Variants in CHIA observed in about 807,000 individuals in gnomAD.
CHIA encodes the protein acidic mammalian chitinase.
In CHIA, 47 loss-of-function variants were observed where a neutral mutation model predicts 53.5. The observed-to-expected ratio is 0.88, with a 90% confidence interval of 0.70 to 1.12. The LOEUF is 1.12. CHIA is among the 50% of genes most tolerant of loss of function. CHIA has a pLI of 0.00. For synonymous variants in CHIA, 268 were observed against 222.2 expected, an observed-to-expected ratio of 1.21 and a Z score of -1.83; for missense variants, 652 against 592.2, an observed-to-expected ratio of 1.10 and a Z score of -1.05.
chr1:111,315,392 G>A lies in CHIA; in HGVS notation c.437G>A (p.Gly146Glu), dbSNP rs142253415. The change falls in exon 6 of 12, where the codon GGG (glycine) becomes GAG (glutamate). Residue 146 changes from glycine (G) to glutamate (E), a missense_variant. Coordinates refer to ENST00000369740, the MANE Select transcript of CHIA (RefSeq NM_201653.4). ...DFDWEYPGSR[G>E]SPPQDKHLFT... ...GACTGGGAGTACCCTGGCTCTCGTG[G>A]GAGCCCTCCTCAGGACAAGCATCTC... The A allele has an allele frequency of 6.2e-7, 1 of 1,614,000 alleles. No homozygotes were observed. The highest frequency in any genetic ancestry group is 1.3e-5 in the African/African-American group (1 of 74,898).
At chr1:111,301,225 A>C (rs534439431) in intron 1 of CHIA, among the ~76,000 whole-genome samples, 3 of 152,220 alleles carry the variant, frequency 2.0e-5, no homozygotes, top group Non-Finnish European at 2.9e-5. Flanking sequence ...CGATCCCATT[A>C]CTGGGTATAT....
chr1:111,315,337 C>G lies in CHIA; in HGVS notation c.382C>G (p.Arg128Gly). 1 of 1,613,690 alleles carries G rather than the reference C, an allele frequency of 6.2e-7. No homozygotes were observed. Among genetic ancestry groups the G allele is most frequent in the South Asian group, 1.1e-5 (1 of 91,050 alleles). The change falls in exon 6 of 12, where the codon CGC becomes GGC. Residue 128 changes from arginine (R) to glycine (G), a missense_variant. Arg to Gly is a moderately radical substitution (Grantham distance 125). Transcript: ENST00000369740. ...CATCACCTCAGTCATCAAATTCCTG[C>G]GCCAGTATGAGTTTGACGGGCTGGA... Reference protein sequence around the residue: ...TFITSVIKFLRQYEFDGLDFD... With the variant: ...TFITSVIKFLGQYEFDGLDFD...
At chr1:111,309,361 G>T (rs529559211) in intron 1 of CHIA, among the ~76,000 whole-genome samples, 1 of 152,276 alleles carries the variant, frequency 6.6e-6, no homozygotes, top group Admixed American at 6.5e-5. Context: ...ATCCCATAAT[G>T]ATCACCCATA....
intron 5 of CHIA, chr1:111,315,065 G>A: frequency 1.9e-6 from 1 of 527,148 alleles, no homozygotes; most frequent in South Asian, 2.7e-5. Flanking sequence ...GAGTTGGGGG[G>A]ATAACAGAAT....
In CHIA at chr1:111,316,738, G is replaced by T. The variant is rs181476119; in HGVS notation, c.481-943G>T. The T allele has an allele frequency of 3.7e-4, 56 of 152,260 alleles. 1 individual carries two copies. Among genetic ancestry groups the T allele is most frequent in the Admixed American group, 3.5e-3 (53 of 15,292 alleles). 9.4% of individuals were successfully genotyped at this position (152,260 alleles called of 1,614,324 possible). On this transcript the variant is annotated intron_variant, in intron 6 of 11. Coordinates refer to ENST00000369740, the MANE Select transcript of CHIA (RefSeq NM_201653.4). ...AAAAGCTTGATATACTTGGTTTTTAGACTTACTGTCTCCCAAGACAGATTG... is the reference window on the plus strand; with the variant it reads ...AAAAGCTTGATATACTTGGTTTTTATACTTACTGTCTCCCAAGACAGATTG...
At chr1:111,294,456 G>T (rs931628194) in intron 1 of CHIA, among the ~76,000 whole-genome samples, 1 of 151,824 alleles carries the variant, frequency 6.6e-6, no homozygotes, top group African/African-American at 2.4e-5. Context: ...AAAATTTTTG[G>T]TGTGGAATCT....
intron 1 of CHIA, among the ~76,000 whole-genome samples, chr1:111,303,996 G>C (rs1647976556): frequency 6.6e-6 from 1 of 152,122 alleles, no homozygotes; most frequent in African/African-American, 2.4e-5. Context: ...TTGAAGGATA[G>C]TTTTGCCAGA....
intron 1 of CHIA, among the ~76,000 whole-genome samples, chr1:111,309,624 A>G (rs1406998269): frequency 6.6e-6 from 1 of 152,244 alleles, no homozygotes; most frequent in Non-Finnish European, 1.5e-5. Context: ...GTTTGAGGGC[A>G]AAGAATAGTC....
At chr1:111,313,341 A>G (rs368382570) in intron 4 of CHIA, among the ~76,000 whole-genome samples, 5 of 152,076 alleles carry the variant, frequency 3.3e-5, no homozygotes, top group African/African-American at 9.7e-5. Context: ...GATAACAGCC[A>G]TTCTAAGCGG....
intron 1 of CHIA, among the ~76,000 whole-genome samples, chr1:111,306,438 A>G (rs1002299234): frequency 2.0e-5 from 3 of 152,210 alleles, no homozygotes; most frequent in African/African-American, 7.2e-5. Flanking sequence ...TCTATGCACT[A>G]CACACAAAAG....
intron 1 of CHIA, among the ~76,000 whole-genome samples, chr1:111,306,059 C>A (rs1648158969): frequency 6.6e-6 from 1 of 152,132 alleles, no homozygotes. Context: ...AGTTATGAAA[C>A]TTTATTAACA....
chr1:111,308,377 G>C (rs996919262), intron 1 of CHIA, among the ~76,000 whole-genome samples: 4 of 152,092 alleles, frequency 2.6e-5, no homozygotes, highest in South Asian at 2.1e-4. Context: ...GACTACCTTG[G>C]GAAAATGCCT....
At chr1:111,301,797 C>T (rs1647766019) in intron 1 of CHIA, among the ~76,000 whole-genome samples, 1 of 151,280 alleles carries the variant, frequency 6.6e-6, no homozygotes, top group African/African-American at 2.4e-5. Flanking sequence ...AGCAAACTAT[C>T]ACAAGGACAG....
In CHIA at chr1:111,310,518, C is replaced by T. The variant is rs183326519; in HGVS notation, c.25+26C>T. Reference sequence around the variant, plus strand: ...GTGGGTTTGTAATCAGAGATTGACCCTTCATCTTATCTAGTTTCTTTTTCT... The same window carrying T: ...GTGGGTTTGTAATCAGAGATTGACCTTTCATCTTATCTAGTTTCTTTTTCT... On this transcript the variant is annotated intron_variant, in intron 2 of 11. Coordinates refer to ENST00000369740, the MANE Select transcript of CHIA (RefSeq NM_201653.4). 2.8e-3 allele frequency: 4,558 copies of T among 1,614,012 alleles called. 11 individuals are homozygous for T. Among genetic ancestry groups the T allele is most frequent in the Non-Finnish European group, 3.5e-3 (4,078 of 1,179,966 alleles).
At chr1:111,296,407 C>G (rs1176861239) in intron 1 of CHIA, among the ~76,000 whole-genome samples, 1 of 152,172 alleles carries the variant, frequency 6.6e-6, no homozygotes, top group Non-Finnish European at 1.5e-5. Flanking sequence ...TCCGCAGCCT[C>G]CACTGGTAAT....
chr1:111,315,059 T>TG lies in CHIA; in HGVS notation c.315-205dup. The TG allele has an allele frequency of 7.8e-6, 4 of 510,124 alleles. No homozygotes were observed. In the East Asian group the frequency reaches 9.8e-5, roughly 12 times the overall value. 31.6% of individuals were successfully genotyped at this position (510,124 alleles called of 1,614,324 possible). A position where few individuals can be genotyped will look rare whatever the true frequency, so the allele number is the denominator to read the frequency against. ...GGCAACTTGGGAGAAAGAGCAGAGT[T>TG]GGGGGGATAACAGAATAAAGGGAAT... On this transcript the variant is annotated intron_variant, in intron 5 of 11. Coordinates refer to ENST00000369740, the MANE Select transcript of CHIA (RefSeq NM_201653.4).
At chr1:111,297,245 A>G (rs1298656653) in intron 1 of CHIA, among the ~76,000 whole-genome samples, 1 of 152,170 alleles carries the variant, frequency 6.6e-6, no homozygotes, top group Non-Finnish European at 1.5e-5. Context: ...ATCCTCCTAG[A>G]GAAGAGCAAT....
At chr1:111,311,260 T>C (rs917975204) in intron 2 of CHIA, among the ~76,000 whole-genome samples, 3 of 152,174 alleles carry the variant, frequency 2.0e-5, no homozygotes, top group African/African-American at 7.2e-5. Flanking sequence ...CTGAAAGTCA[T>C]TCCAAAAAAC....
At chr1:111,313,755 G>A (rs984324812) in intron 4 of CHIA, among the ~76,000 whole-genome samples, 1 of 151,946 alleles carries the variant, frequency 6.6e-6, no homozygotes, top group South Asian at 2.1e-4. Flanking sequence ...TTTTCTTTCA[G>A]TAGTTTTACA....
Sources: gnomAD v4.1 joint callset for allele counts (sites outside exome capture counted in the v4.1 genomes callset) on GRCh38, gnomAD v4.1.1 for gene constraint, MANE v1.5 for transcripts, NCBI Gene and HGNC (gene_info 2026-07-23, HGNC 2026-07-21) for gene names.